The following GNG4 variants were observed in gnomAD, a reference collection of about 807,000 sequenced individuals.
GNG4 encodes the protein guanine nucleotide-binding protein G(I)/G(S)/G(O) subunit gamma-4.
GNG4 carries 4 observed loss-of-function variants against 5.8 expected under a neutral mutation model. That is an observed-to-expected ratio of 0.69 (90% CI 0.34 to 1.57). GNG4 has a LOEUF of 1.57. Among genes scored for constraint, GNG4 ranks in the 40% most tolerant of loss-of-function variants. The probability of loss-of-function intolerance (pLI) is 0.06; values close to 1 mark genes in which losing one functional copy is unlikely to be tolerated. For missense variants in GNG4, 96 were observed against 95.1 expected (o/e 1.01, Z -0.04); for synonymous variants, 29 against 32.9 (o/e 0.88, Z 0.41).
At chr1:235,552,261 G>T (rs752467695) in intron 3 of GNG4, 24 bp from the exon 4 acceptor site, 1 of 1,611,286 alleles carries the variant, frequency 6.2e-7, no homozygotes, top group East Asian at 2.2e-5. Context: ...GAGCACAGGT[G>T]CTCAGTTAAA....
At chr1:235,557,877 A>G (rs1359314932) in intron 3 of GNG4, among the ~76,000 whole-genome samples, 2 of 152,150 alleles carry the variant, frequency 1.3e-5, no homozygotes, top group African/African-American at 4.8e-5. Flanking sequence ...AGTGTCTGCA[A>G]CACCCTAACA....
intron 1 of GNG4, among the ~76,000 whole-genome samples, chr1:235,641,658 T>G (rs908221742): frequency 6.6e-6 from 1 of 152,082 alleles, no homozygotes; most frequent in African/African-American, 2.4e-5. Context: ...GCCACTGCAC[T>G]CCAACTTGGG....
intron 3 of GNG4, among the ~76,000 whole-genome samples, chr1:235,561,389 G>A (rs966674130): frequency 1.8e-4 from 28 of 151,530 alleles, no homozygotes; most frequent in African/African-American, 5.4e-4. Context: ...TCTCTTGCAC[G>A]CGCTCGCGCT....
chr1:235,646,955 A>T (rs1657525788), intron 1 of GNG4, among the ~76,000 whole-genome samples: 1 of 152,126 alleles, frequency 6.6e-6, no homozygotes, highest in Non-Finnish European at 1.5e-5. Context: ...TTTACTTTTG[A>T]TCATTTATTA....
chr1:235,633,725 G>A (rs905860328), intron 1 of GNG4, among the ~76,000 whole-genome samples: 2 of 152,120 alleles, frequency 1.3e-5, no homozygotes, highest in African/African-American at 4.8e-5. Context: ...TTGGCCTCTT[G>A]CAATCCTCCC....
intron 3 of GNG4, among the ~76,000 whole-genome samples, chr1:235,571,582 A>G (rs1019540142): frequency 6.6e-6 from 1 of 152,216 alleles, no homozygotes; most frequent in Non-Finnish European, 1.5e-5. Flanking sequence ...ATAAAAATAT[A>G]AATTGGTATC....
rs967564370 is a variant in GNG4, at chr1:235,553,516, A to C, written c.100-1279T>G. Among the ~76,000 whole-genome samples the C allele has an allele frequency of 3.0e-4, 46 of 152,244 alleles. 1 individual carries two copies. Among genetic ancestry groups the C allele is most frequent in the Non-Finnish European group, 1.2e-4 (8 of 68,034 alleles). On this transcript the variant is annotated intron_variant, in intron 3 of 3. Coordinates refer to ENST00000391854, the MANE Select transcript of GNG4 (RefSeq NM_001098722.2). ...AATGTTTAGAAGCCTCCAGCTACAC[A>C]GGCCATACACATTCCCTTCTGGGTT...
At chr1:235,571,634 T>C (rs138317332) in intron 3 of GNG4, among the ~76,000 whole-genome samples, 1 of 152,308 alleles carries the variant, frequency 6.6e-6, no homozygotes, top group African/African-American at 2.4e-5. Flanking sequence ...AACACTTTCT[T>C]GTGTATACAG....
At position 235,642,047 on chromosome 1, in the gene GNG4, G is replaced by A. The variant is rs188379825; in HGVS notation, c.-123+7615C>T. Among the ~76,000 whole-genome samples the A allele has an allele frequency of 1.8e-4, 28 of 152,274 alleles. 1 individual carries two copies. The highest frequency in any genetic ancestry group is 6.7e-4 in the African/African-American group (28 of 41,546). On this transcript the variant is annotated intron_variant, in intron 1 of 3. Coordinates refer to ENST00000391854, the MANE Select transcript of GNG4 (RefSeq NM_001098722.2). The surrounding 1 kb of genome is among the most constrained non-coding windows in gnomAD (Gnocchi z 4.3). ...TTCCCCCGCAACTGCCTGCGTTTTC[G>A]TAGCCCTAGAGCTTCCAACGTACAG...
intron 2 of GNG4, among the ~76,000 whole-genome samples, chr1:235,586,829 TA>T (rs1269628207): frequency 1.3e-5 from 2 of 152,234 alleles, no homozygotes; most frequent in Non-Finnish European, 1.5e-5. Flanking sequence ...TGCAGGACCA[TA>T]AGCCAATTAA....
chr1:235,609,457 C>T (rs141700190), intron 1 of GNG4, among the ~76,000 whole-genome samples: 17 of 152,042 alleles, frequency 1.1e-4, no homozygotes, highest in African/African-American at 3.9e-4. Context: ...GAAGTGGTAC[C>T]CTCTCTTGGT....
chr1:235,576,937 AC>A (rs907250920), intron 3 of GNG4, among the ~76,000 whole-genome samples: 4 of 152,196 alleles, frequency 2.6e-5, no homozygotes, highest in African/African-American at 9.7e-5. Flanking sequence ...TATTTCAGCT[AC>A]GTTTTTCCTC....
chr1:235,603,744 G>A (rs978490523), intron 1 of GNG4, among the ~76,000 whole-genome samples: 12 of 152,190 alleles, frequency 7.9e-5, no homozygotes, highest in Non-Finnish European at 1.5e-4. Context: ...CAGGGCATGG[G>A]TTGTAATGGA....
At chr1:235,643,638 A>G (rs1352704035) in intron 1 of GNG4, among the ~76,000 whole-genome samples, 2 of 152,268 alleles carry the variant, frequency 1.3e-5, no homozygotes, top group Admixed American at 1.3e-4. Context: ...GATCGCATCC[A>G]GCAGTATGTC....
chr1:235,638,781 T>C, intron 1 of GNG4, among the ~76,000 whole-genome samples: 1 of 152,198 alleles, frequency 6.6e-6, no homozygotes, highest in African/African-American at 2.4e-5. Context: ...CTGTGTTAGT[T>C]TGCTGAGAAT....
At chr1:235,645,386 C>T (rs1307921347) in intron 1 of GNG4, among the ~76,000 whole-genome samples, 1 of 152,228 alleles carries the variant, frequency 6.6e-6, no homozygotes, top group Non-Finnish European at 1.5e-5. Context: ...TGCTAGAAAT[C>T]TCTCAATTTT....
chr1:235,565,788 T>G (rs1269120025), intron 3 of GNG4: 1 of 152,238 alleles, frequency 6.6e-6, no homozygotes, highest in Non-Finnish European at 1.5e-5. Context: ...GTGGAACTTT[T>G]GAAATACGAG....
intron 3 of GNG4, among the ~76,000 whole-genome samples, chr1:235,581,352 A>T (rs1250809361): frequency 6.6e-6 from 1 of 151,756 alleles, no homozygotes; most frequent in Non-Finnish European, 1.5e-5. Flanking sequence ...ACACGGTGAA[A>T]CCCCGTCTCT....
intron 3 of GNG4, among the ~76,000 whole-genome samples, chr1:235,567,142 C>T (rs950761147): frequency 6.6e-6 from 1 of 151,946 alleles, no homozygotes; most frequent in South Asian, 2.1e-4. Flanking sequence ...CTATGTTTCC[C>T]AGACTGGTCT....
Sources: allele counts gnomAD v4.1 joint callset (sites outside exome capture counted in the v4.1 genomes callset), GRCh38; gene constraint gnomAD v4.1.1; non-coding constraint Gnocchi (gnomAD v3.1); transcripts MANE v1.5; gene names NCBI Gene and HGNC (gene_info 2026-07-23, HGNC 2026-07-21).